The following STAU2 variants were observed in gnomAD, a reference collection of about 807,000 sequenced individuals.
STAU2 encodes double-stranded RNA-binding protein Staufen homolog 2.
A neutral mutation model predicts 65.9 loss-of-function variants in STAU2; 20 were observed. That is an observed-to-expected ratio of 0.30 (90% CI 0.21 to 0.44). The LOEUF (loss-of-function observed/expected upper bound fraction) is 0.44, where lower values mean the gene tolerates loss of function less well. Among genes scored for constraint, STAU2 ranks in the 20% least tolerant of loss-of-function variants. The pLI is 1.00. For synonymous variants in STAU2, 232 were observed against 233.9 expected, an observed-to-expected ratio of 0.99 and a Z score of 0.07; for missense variants, 558 against 683.9, an observed-to-expected ratio of 0.82 and a Z score of 2.05.
At chr8:73,448,298 C>CT (rs112124026) in intron 13 of STAU2, among the ~76,000 whole-genome samples, 6,119 of 149,754 alleles carry the variant, frequency 0.041, 271 homozygotes, top group Admixed American at 0.13. Flanking sequence ...AGATACAAGT[C>CT]TTTTTTTTTT....
At chr8:73,494,351 T>G (rs529190314) in intron 13 of STAU2, among the ~76,000 whole-genome samples, 190 of 151,728 alleles carry the variant, frequency 1.3e-3, no homozygotes, top group Middle Eastern at 3.4e-3. Flanking sequence ...ATTATACAAT[T>G]TAGGTGGTAG....
At chr8:73,541,313 A>G (rs1209409255) in intron 13 of STAU2, among the ~76,000 whole-genome samples, 2 of 152,192 alleles carry the variant, frequency 1.3e-5, no homozygotes, top group Non-Finnish European at 2.9e-5. Context: ...CTTTCACTAT[A>G]TGATGCAGGC....
At chr8:73,468,746 C>G (rs1323249335) in intron 13 of STAU2, among the ~76,000 whole-genome samples, 1 of 152,164 alleles carries the variant, frequency 6.6e-6, no homozygotes, top group Non-Finnish European at 1.5e-5. Flanking sequence ...AAATCAAAAC[C>G]ACAATGAGAT....
Position 73,582,755 on chromosome 8 carries a change from A to G in STAU2, c.1222+15T>C. 1.2e-6 allele frequency: 2 copies of G among 1,612,790 alleles called. No individual in the cohort carries two copies. The highest frequency in any genetic ancestry group is 1.7e-6 in the Non-Finnish European group (2 of 1,179,040). ...ATGAACACCAAGTGCAGACAACATA[A>G]AAATGAGAACTTACTATTATTTGTT... On this transcript the variant is annotated intron_variant, in intron 12 of 14. Coordinates refer to ENST00000524300, the MANE Select transcript of STAU2 (RefSeq NM_001164380.2).
Position 73,710,470 on chromosome 8 carries a change from G to A in STAU2, c.-17-1308C>T, listed in dbSNP as rs184880983. Among the ~76,000 whole-genome samples the A allele has an allele frequency of 1.1e-3, 167 of 150,308 alleles. 1 individual carries two copies. The highest frequency in any genetic ancestry group is 7.3e-3 in the Admixed American group (109 of 15,002). On this transcript the variant is annotated intron_variant, in intron 3 of 14. Coordinates refer to ENST00000524300, the MANE Select transcript of STAU2 (RefSeq NM_001164380.2). Reference sequence around the variant, plus strand: ...TTAGGAAGTCCTCTCTAACTGTCAAGATCTCAATGATTTTACTTAAACTCA... The same window carrying A: ...TTAGGAAGTCCTCTCTAACTGTCAAAATCTCAATGATTTTACTTAAACTCA...
intron 6 of STAU2, among the ~76,000 whole-genome samples, chr8:73,639,212 T>C (rs941537211): frequency 6.6e-6 from 1 of 152,132 alleles, no homozygotes; most frequent in Non-Finnish European, 1.5e-5. Context: ...GGTTCGAGTT[T>C]CTAAATCCAC....
chr8:73,611,814 T>C (rs1812486862), intron 9 of STAU2, among the ~76,000 whole-genome samples: 1 of 152,024 alleles, frequency 6.6e-6, no homozygotes, highest in Non-Finnish European at 1.5e-5. Context: ...GAGCTGTAGC[T>C]GGGATTAGAG....
At chr8:73,701,927 A>G (rs1414188985) in intron 4 of STAU2, among the ~76,000 whole-genome samples, 1 of 152,214 alleles carries the variant, frequency 6.6e-6, no homozygotes, top group African/African-American at 2.4e-5. Context: ...ATTTGCAATA[A>G]CATGGATAGA....
At chr8:73,639,275 C>T (rs895781784) in intron 6 of STAU2, among the ~76,000 whole-genome samples, 11 of 151,994 alleles carry the variant, frequency 7.2e-5, no homozygotes, top group African/African-American at 1.7e-4. Context: ...TGTACCTACA[C>T]TAACAAAGGA....
chr8:73,695,140 G>A (rs1230998165), intron 4 of STAU2, among the ~76,000 whole-genome samples: 3 of 152,310 alleles, frequency 2.0e-5, no homozygotes, highest in Non-Finnish European at 2.9e-5. Context: ...ATGGCTAAGG[G>A]AGTGCTTATG....
intron 13 of STAU2, among the ~76,000 whole-genome samples, chr8:73,492,706 A>G (rs1821209064): frequency 6.6e-6 from 1 of 151,868 alleles, no homozygotes; most frequent in Non-Finnish European, 1.5e-5. Context: ...ATGGGAGTGT[A>G]AAAGACAGAT....
chr8:73,514,548 T>C (rs1718760144), intron 13 of STAU2, among the ~76,000 whole-genome samples: 1 of 152,224 alleles, frequency 6.6e-6, no homozygotes, highest in African/African-American at 2.4e-5. Flanking sequence ...TTTTCTACCT[T>C]TTCTCATGCT....
chr8:73,653,142 C>A (rs1816036038), intron 6 of STAU2: 1 of 152,158 alleles, frequency 6.6e-6, no homozygotes, highest in South Asian at 2.1e-4. Context: ...GACAATCTGA[C>A]TGACAACAAT....
At chr8:73,433,431 C>T (rs1164610883) in intron 13 of STAU2, among the ~76,000 whole-genome samples, 2 of 151,074 alleles carry the variant, frequency 1.3e-5, no homozygotes, top group Non-Finnish European at 2.9e-5. Context: ...GTCTCGATCT[C>T]CTGACCTCAT....
At chr8:73,721,764 C>T (rs1215276668) in intron 3 of STAU2, among the ~76,000 whole-genome samples, 1 of 152,128 alleles carries the variant, frequency 6.6e-6, no homozygotes, top group Non-Finnish European at 1.5e-5. Flanking sequence ...TATCTTTTCC[C>T]ATTCTTTCAC....
intron 6 of STAU2, among the ~76,000 whole-genome samples, chr8:73,643,187 C>T (rs1815122758): frequency 6.6e-6 from 1 of 152,144 alleles, no homozygotes; most frequent in Admixed American, 6.5e-5. Context: ...AGCAAGAATC[C>T]TAAAAGGTTC....
intron 3 of STAU2, among the ~76,000 whole-genome samples, chr8:73,728,775 C>T (rs1805832404): frequency 1.3e-5 from 2 of 152,258 alleles, no homozygotes; most frequent in South Asian, 4.1e-4. Flanking sequence ...TTACCTTGTA[C>T]CTACAACTTT....
chr8:73,499,854 G>A (rs1387954785), intron 13 of STAU2, among the ~76,000 whole-genome samples: 1 of 151,780 alleles, frequency 6.6e-6, no homozygotes. Flanking sequence ...CCTTGCATAT[G>A]GGCTCTAGAC....
At chr8:73,533,392 T>C (rs1805957592) in intron 13 of STAU2, among the ~76,000 whole-genome samples, 1 of 152,192 alleles carries the variant, frequency 6.6e-6, no homozygotes, top group South Asian at 2.1e-4. Context: ...AAGATAAGTT[T>C]CCTAGTTTGA....
Sources: gnomAD v4.1 joint callset for allele counts (sites outside exome capture counted in the v4.1 genomes callset) on GRCh38, gnomAD v4.1.1 for gene constraint, MANE v1.5 for transcripts, NCBI Gene and HGNC (gene_info 2026-07-23, HGNC 2026-07-21) for gene names.